Variants in USP35 observed in about 807,000 individuals in gnomAD.
The protein encoded by USP35 is ubiquitin carboxyl-terminal hydrolase 35.
USP35 carries 69 observed loss-of-function variants against 83.8 expected under a neutral mutation model. That is an observed-to-expected ratio of 0.82 (90% CI 0.68 to 1.01). USP35 has a LOEUF of 1.01. USP35 is among the 50% of genes least tolerant of loss of function. The pLI is 0.00. For synonymous variants in USP35, 714 were observed against 589.5 expected (o/e 1.21, Z -3.06); for missense variants, 1,503 against 1,362.5 (o/e 1.10, Z -1.62).
rs1226728432 is a variant in USP35 at position 78,214,007 on chromosome 11, CCCATTAAAACTTTA to C, written c.*196_*209del. 1 of 579,888 alleles carries C rather than the reference CCCATTAAAACTTTA, an allele frequency of 1.7e-6. No homozygotes were observed. The highest frequency in any genetic ancestry group is 3.6e-5 in the East Asian group (1 of 27,924). The allele number at this position is 579,888 out of a possible 1,614,324, so 35.9% of individuals were successfully genotyped here. Reference sequence around the variant, plus strand: ...TAAGTCCCTTTCATTGGGGATCAGTCCCATTAAAACTTTACACCCAAGTGTCCTGGTTAACTTGA... The same window carrying C: ...TAAGTCCCTTTCATTGGGGATCAGTCCACCCAAGTGTCCTGGTTAACTTGA... On this transcript the variant is annotated 3_prime_UTR_variant, in exon 11 of 11. Transcript: ENST00000529308.
the USP35 span, among the ~76,000 whole-genome samples, chr11:78,233,945 T>G: frequency 1.3e-5 from 2 of 152,240 alleles, no homozygotes; most frequent in Admixed American, 6.5e-5. Context: ...CTTGAAGAAC[T>G]AGTTTTAATT....
At chr11:78,235,192 G>A in the USP35 span, among the ~76,000 whole-genome samples, 37 of 151,788 alleles carry the variant, frequency 2.4e-4, no homozygotes, top group South Asian at 6.9e-3. Flanking sequence ...TCACTCTGTC[G>A]CCCAGGCTGG....
chr11:78,225,283 C>G, the USP35 span: 1 of 879,482 alleles, frequency 1.1e-6, no homozygotes, highest in African/African-American at 1.6e-5. Context: ...CAGTGTGGTT[C>G]AAGGTCTTAC....
In USP35 at chr11:78,213,743, A is replaced by G; in HGVS notation, c.2987A>G (p.Asp996Gly). 1 of 1,542,034 alleles carries G rather than the reference A, an allele frequency of 6.5e-7. No homozygotes were observed. The highest frequency in any genetic ancestry group is 8.7e-7 in the Non-Finnish European group (1 of 1,153,754). ...GGCTTTGATGAAGACAAGGATGAGG[A>G]TGAAGGCTCTCCAGGGGGCTGCAAT... is the stretch of plus-strand genomic sequence containing the variant. Reference protein sequence around the residue: ...GRGFDEDKDEDEGSPGGCNPA... With the variant: ...GRGFDEDKDEGEGSPGGCNPA... The change falls in exon 11 of 11, where the codon GAT becomes GGT. Residue 996 changes from aspartate (D) to glycine (G), a missense_variant. By Grantham distance (94) the Asp-to-Gly change is moderately conservative. Coordinates refer to ENST00000529308, the MANE Select transcript of USP35 (RefSeq NM_020798.4).
chr11:78,207,621 C>T lies in USP35; in HGVS notation c.1483C>T (p.Gln495Ter), dbSNP rs1224309179. The T allele has an allele frequency of 7.4e-6, 12 of 1,613,758 alleles. No homozygotes were observed. Among genetic ancestry groups the T allele is most frequent in the Non-Finnish European group, 1.0e-5 (12 of 1,179,960 alleles). ...QWLFGFLEHS[Q>*]RPAISPENFL... The stretch of plus-strand genomic sequence containing the variant: ...GCTCTTTGGCTTCCTAGAACACAGC[C>T]AGGTGAGTGTAGGGGCAGTCAGAGG... Residue 495 changes from glutamine to a stop codon, truncating the protein, a stop_gained and splice_region_variant, in exon 8 of 11, where the codon CAG becomes TAG. Transcript: ENST00000529308. LOFTEE classifies it high-confidence loss of function.
At chr11:78,203,248 G>A (rs1013210132) in intron 6 of USP35, among the ~76,000 whole-genome samples, 1 of 152,212 alleles carries the variant, frequency 6.6e-6, no homozygotes, top group Non-Finnish European at 1.5e-5. Context: ...GGATACAGGA[G>A]TTTGATCTTA....
rs144740715 is a variant in USP35, at chr11:78,194,676, T to C, written c.-10-1560T>C. Among the ~76,000 whole-genome samples, 529 of 151,810 alleles carry C rather than the reference T, an allele frequency of 3.5e-3. 1 individual carries two copies. The highest frequency in any genetic ancestry group is 0.012 in the African/African-American group (503 of 41,376). On this transcript the variant is annotated intron_variant, in intron 1 of 10. Coordinates refer to ENST00000529308, the MANE Select transcript of USP35 (RefSeq NM_020798.4). ...CAAAGTCTTCAGGAAACAGGCCAGGTGGAGGAGAAGGGCAGAAGGAAGGCT... is the reference window on the plus strand; with the variant it reads ...CAAAGTCTTCAGGAAACAGGCCAGGCGGAGGAGAAGGGCAGAAGGAAGGCT...
chr11:78,225,750 T>G, the USP35 span, among the ~76,000 whole-genome samples: 1 of 152,170 alleles, frequency 6.6e-6, no homozygotes, highest in Non-Finnish European at 1.5e-5. Flanking sequence ...GCAACTCTAT[T>G]TAAGTCTCTT....
intron 7 of USP35, 86 bp from the exon 8 acceptor site, chr11:78,207,443 GA>G: frequency 7.4e-7 from 1 of 1,355,600 alleles, no homozygotes; most frequent in Non-Finnish European, 1.0e-6. Context: ...CTTTGGCCTA[GA>G]GGCTCTGGGC....
In USP35 at chr11:78,214,086, T is replaced by TCCTTCCCTA. The variant is rs1208245360; in HGVS notation, c.*274_*282dup. On this transcript the variant is annotated 3_prime_UTR_variant, in exon 11 of 11. Coordinates refer to ENST00000529308, the MANE Select transcript of USP35 (RefSeq NM_020798.4). The stretch of plus-strand genomic sequence containing the variant: ...GCACACACGGGTCTTTGCCTCCCCC[T>TCCTTCCCTA]CCTTCCCTAGCAGGCTCCCCATGCG... 2.8e-6 allele frequency: 1 copy of TCCTTCCCTA among 359,036 alleles called. No individual in the cohort carries two copies. The highest frequency in any genetic ancestry group is 2.1e-5 in the African/African-American group (1 of 46,890). The allele number at this position is 359,036 out of a possible 1,614,324, so 22.2% of individuals were successfully genotyped here.
downstream of USP35, chr11:78,218,058 G>A (rs981922854): frequency 6.5e-6 from 1 of 152,884 alleles, no homozygotes; most frequent in Non-Finnish European, 1.5e-5. Context: ...GGATTGCGTT[G>A]GGCACCCCCC....
the USP35 span, among the ~76,000 whole-genome samples, chr11:78,236,236 C>T: frequency 6.6e-6 from 1 of 152,104 alleles, no homozygotes; most frequent in Non-Finnish European, 1.5e-5. Context: ...TTTCATTTTC[C>T]AATTGTTCAC....
the USP35 span, among the ~76,000 whole-genome samples, chr11:78,229,891 C>T: frequency 2.2e-3 from 330 of 152,336 alleles, 1 homozygote; most frequent in African/African-American, 7.3e-3. Flanking sequence ...CCTTCAAACT[C>T]ATCTCAGAAG....
intron 1 of USP35, among the ~76,000 whole-genome samples, chr11:78,194,946 C>T (rs1863099089): frequency 6.6e-6 from 1 of 152,020 alleles, no homozygotes; most frequent in South Asian, 2.1e-4. Flanking sequence ...GAGATTGACC[C>T]AGGCAGGGAG....
intron 3 of USP35, chr11:78,198,664 C>T (rs1389826442): frequency 3.0e-6 from 3 of 985,316 alleles, no homozygotes; most frequent in Non-Finnish European, 2.4e-6. Context: ...CCACCGTCTT[C>T]GTAGGGCCTT....
rs1260978981 is a variant in USP35, at chr11:78,196,100, C to A, written c.-10-136C>A. Reference sequence around the variant, plus strand: ...GCTCTCAGTGAAATGACGCCCTTGCCCCATTTCACAGATGAGAAAACTGAG... The same window carrying A: ...GCTCTCAGTGAAATGACGCCCTTGCACCATTTCACAGATGAGAAAACTGAG... On this transcript the variant is annotated intron_variant, in intron 1 of 10. Coordinates refer to ENST00000529308, the MANE Select transcript of USP35 (RefSeq NM_020798.4). This position sits in a 1 kb window ranked among gnomAD's most constrained non-coding sequence, Gnocchi z 4.8. 2 of 1,355,222 alleles carry A rather than the reference C, an allele frequency of 1.5e-6. No homozygotes were observed. Among genetic ancestry groups the A allele is most frequent in the Non-Finnish European group, 1.9e-6 (2 of 1,042,926 alleles). 83.9% of individuals were successfully genotyped at this position (1,355,222 alleles called of 1,614,324 possible).
At chr11:78,222,647 A>G in the USP35 span, among the ~76,000 whole-genome samples, 14 of 151,914 alleles carry the variant, frequency 9.2e-5, no homozygotes, top group African/African-American at 2.7e-4. Flanking sequence ...CAGCGGCGCA[A>G]TCTCAGCTCA....
At chr11:78,190,706 A>T (rs911313864) in intron 1 of USP35, among the ~76,000 whole-genome samples, 1 of 152,194 alleles carries the variant, frequency 6.6e-6, no homozygotes, top group Admixed American at 6.5e-5. Flanking sequence ...AGACACTTGA[A>T]TTGTGGAGGG....
the USP35 span, among the ~76,000 whole-genome samples, chr11:78,232,876 A>C: frequency 2.0e-5 from 3 of 152,296 alleles, 1 homozygote; most frequent in Middle Eastern, 3.4e-3. Flanking sequence ...AAATAATCTT[A>C]CAGGATTACT....
Sources: gnomAD v4.1 joint callset for allele counts (sites outside exome capture counted in the v4.1 genomes callset) on GRCh38, gnomAD v4.1.1 for gene constraint, Gnocchi (gnomAD v3.1) non-coding constraint, MANE v1.5 for transcripts, NCBI Gene and HGNC (gene_info 2026-07-23, HGNC 2026-07-21) for gene names.